Variants in NRG2 observed in about 807,000 individuals in gnomAD.
The protein encoded by NRG2 is neuregulin 2.
A neutral mutation model predicts 73.9 loss-of-function variants in NRG2; 27 were observed. That is an observed-to-expected ratio of 0.37 (90% CI 0.27 to 0.50). The LOEUF (loss-of-function observed/expected upper bound fraction) is 0.50, where lower values mean the gene tolerates loss of function less well. Among genes scored for constraint, NRG2 ranks in the 20% least tolerant of loss-of-function variants. The pLI is 0.96. For missense variants in NRG2, 1,126 were observed against 1,210.1 expected (o/e 0.93, Z 1.03); for synonymous variants, 532 against 541.0 (o/e 0.98, Z 0.23).
At chr5:139,902,012 G>A (rs900141988) in intron 1 of NRG2, among the ~76,000 whole-genome samples, 7 of 152,240 alleles carry the variant, frequency 4.6e-5, no homozygotes, top group African/African-American at 9.7e-5. Context: ...AGGGCTGAGC[G>A]TAGACTGCAT....
chr5:139,987,387 A>AC (rs1757251644), intron 1 of NRG2, among the ~76,000 whole-genome samples: 1 of 151,400 alleles, frequency 6.6e-6, no homozygotes, highest in East Asian at 1.9e-4. Context: ...AAAAAAAAAA[A>AC]AAAAAGGATA....
intron 1 of NRG2, among the ~76,000 whole-genome samples, chr5:139,932,333 G>A (rs994086116): frequency 1.3e-5 from 2 of 151,568 alleles, no homozygotes; most frequent in African/African-American, 2.4e-5. Context: ...TGGACCAGGA[G>A]GACAGGAAGA....
chr5:140,042,845 G>T lies in NRG2; in HGVS notation c.225C>A (p.Ser75Arg). The change falls in exon 1 of 10, where the codon AGC becomes AGA. Residue 75 changes from serine to arginine, a missense_variant. Physicochemically the swap from Ser to Arg is moderately radical, Grantham distance 110. This residue lies in a region of NRG2 where 185 missense variants were observed against 149.0 expected (regional missense o/e 1.24). Transcript: ENST00000361474. ...GGGCGGCGGCTCTCCGGGCTGCGGG[G>T]CTGCGGGGCTGCGGCTGTTGCTGCG... ...PRPQQQPQPR[S>R]PAARRAAARS... The T allele has an allele frequency of 1.3e-6, 2 of 1,492,780 alleles. No homozygotes were observed. Among genetic ancestry groups the T allele is most frequent in the Non-Finnish European group, 1.8e-6 (2 of 1,125,004 alleles). 92.5% of individuals were successfully genotyped at this position (1,492,780 alleles called of 1,614,324 possible). A position where few individuals can be genotyped will look rare whatever the true frequency, so the allele number is the denominator to read the frequency against.
intron 1 of NRG2, among the ~76,000 whole-genome samples, chr5:139,945,850 A>C (rs1753765035): frequency 1.3e-5 from 2 of 152,112 alleles, no homozygotes; most frequent in African/African-American, 4.8e-5. Context: ...TTAAGAAAAC[A>C]ATTCCATTTA....
At chr5:139,951,089 A>G (rs1761709831) in intron 1 of NRG2, among the ~76,000 whole-genome samples, 1 of 152,216 alleles carries the variant, frequency 6.6e-6, no homozygotes, top group South Asian at 2.1e-4. Context: ...CTAGGCCTAG[A>G]TGACCCCAAG....
chr5:139,881,145 G>A (rs1011658180), intron 2 of NRG2, among the ~76,000 whole-genome samples, 171 bp from the exon 3 acceptor site: 2 of 152,210 alleles, frequency 1.3e-5, no homozygotes, highest in Non-Finnish European at 2.9e-5. Flanking sequence ...GGGGCACGGA[G>A]TCCCTGCAGC....
intron 1 of NRG2, among the ~76,000 whole-genome samples, chr5:140,018,807 C>G (rs944406531): frequency 2.0e-5 from 3 of 152,184 alleles, no homozygotes; most frequent in Non-Finnish European, 4.4e-5. Context: ...AGCATGCTCT[C>G]TTTTCAAACC....
chr5:139,986,228 C>A (rs1433301), intron 1 of NRG2, among the ~76,000 whole-genome samples: 24,356 of 152,170 alleles, frequency 0.16, 2,484 homozygotes, highest in Admixed American at 0.23. Context: ...CTGGCGTTAG[C>A]CTAACATTTG....
At chr5:139,987,367 CAAAA>C (rs34895532) in intron 1 of NRG2, among the ~76,000 whole-genome samples, 3 of 33,230 alleles carry the variant, frequency 9.0e-5, no homozygotes, top group East Asian at 1.8e-3. Flanking sequence ...GACTCTGTCT[CAAAA>C]AAAAAAAAAA....
intron 3 of NRG2, among the ~76,000 whole-genome samples, chr5:139,875,964 G>A (rs1418603667): frequency 6.6e-6 from 1 of 152,174 alleles, no homozygotes; most frequent in Non-Finnish European, 1.5e-5. Flanking sequence ...GTCATGATGT[G>A]CTCCAGAAAT....
chr5:140,043,022 C>T lies in NRG2; in HGVS notation c.48G>A (p.Lys16=), dbSNP rs765536628. 3.8e-6 allele frequency: 6 copies of T among 1,576,350 alleles called. No homozygotes were observed. Among genetic ancestry groups the T allele is most frequent in the South Asian group, 3.4e-5 (3 of 87,956 alleles). The change falls in exon 1 of 10, where the codon AAG becomes AAA. Residue 16 remains lysine, a synonymous_variant. Coordinates refer to ENST00000361474, the MANE Select transcript of NRG2 (RefSeq NM_004883.3). The surrounding 1 kb of genome is among the most constrained non-coding windows in gnomAD (Gnocchi z 6.7). ...TGTCGCTGTAGCTGCTGCACCGACC[C>T]TTCTCCAGTGGCGGCGGCGGCAGCG... ...CSALPPPPLE[K]GRCSSYSDSS...
At chr5:139,944,479 A>G (rs1753655590) in intron 1 of NRG2, among the ~76,000 whole-genome samples, 1 of 151,984 alleles carries the variant, frequency 6.6e-6, no homozygotes, top group African/African-American at 2.4e-5. Context: ...ACTTTTTTTT[A>G]GGTTCCACAT....
At chr5:139,876,430 A>C (rs59450107) in intron 3 of NRG2, among the ~76,000 whole-genome samples, 9,419 of 152,252 alleles carry the variant, frequency 0.062, 771 homozygotes, top group African/African-American at 0.19. Context: ...CCTTGTGAAT[A>C]TACTAAAAAC....
At chr5:139,898,206 T>G (rs1764668721) in intron 1 of NRG2, among the ~76,000 whole-genome samples, 1 of 152,152 alleles carries the variant, frequency 6.6e-6, no homozygotes, top group Non-Finnish European at 1.5e-5. Context: ...AAGAGTTTGC[T>G]AAGAGAGAAC....
At chr5:139,903,218 AGTCTC>A (rs1765001764) in intron 1 of NRG2, among the ~76,000 whole-genome samples, 1 of 152,200 alleles carries the variant, frequency 6.6e-6, no homozygotes, top group South Asian at 2.1e-4. Flanking sequence ...AGACCCAGCA[AGTCTC>A]AGGACCTTTG....
At chr5:139,935,082 G>A (rs1752749478) in intron 1 of NRG2, among the ~76,000 whole-genome samples, 1 of 152,122 alleles carries the variant, frequency 6.6e-6, no homozygotes, top group African/African-American at 2.4e-5. Flanking sequence ...CATGAGAACT[G>A]CTTGAACCCA....
Position 139,852,575 on chromosome 5 carries a change from T to C in NRG2, c.1417-16A>G. The stretch of plus-strand genomic sequence containing the variant: ...TGGAAATATACTGGAACAGACAGAG[T>C]TGGGCGAGAGTTAGTGACTGGGGCC... On this transcript the variant is annotated splice_polypyrimidine_tract_variant and intron_variant, in intron 7 of 9. Coordinates refer to ENST00000361474, the MANE Select transcript of NRG2 (RefSeq NM_004883.3). The surrounding 1 kb of genome is among the most constrained non-coding windows in gnomAD (Gnocchi z 4.4). The C allele has an allele frequency of 6.2e-7, 1 of 1,611,180 alleles. No homozygotes were observed. The highest frequency in any genetic ancestry group is 8.5e-7 in the Non-Finnish European group (1 of 1,178,550).
intron 1 of NRG2, among the ~76,000 whole-genome samples, chr5:140,032,582 G>A (rs1448815014): frequency 6.6e-6 from 1 of 152,132 alleles, no homozygotes; most frequent in African/African-American, 2.4e-5. Context: ...TGCTCCCACT[G>A]CTCCCTTTTT....
chr5:139,851,817 G>C lies in NRG2; in HGVS notation c.1559C>G (p.Thr520Arg). 2 of 1,614,184 alleles carry C rather than the reference G, an allele frequency of 1.2e-6. No individual in the cohort carries two copies. The highest frequency in any genetic ancestry group is 1.7e-6 in the Non-Finnish European group (2 of 1,180,012). The part of the protein sequence containing the change: ...PTSSHRHESH[T>R]WSLERSESLT... ...GCTCTCAGAACGTTCCAGGCTCCAC[G>C]TGTGGCTCTCGTGTCTGGGAAGGCC... The change falls in exon 9 of 10, where the codon ACG becomes AGG. Residue 520 changes from threonine to arginine, a missense_variant. Physicochemically the swap from Thr to Arg is moderately conservative, Grantham distance 71 (BLOSUM62 -1). Around this residue, in one of 3 missense-constraint regions of NRG2, gnomAD observed 539 missense variants for 703.2 expected, o/e 0.77. Transcript: ENST00000361474. This position sits in a 1 kb window ranked among gnomAD's most constrained non-coding sequence, Gnocchi z 4.2.
Sources: gnomAD v4.1 joint callset for allele counts (sites outside exome capture counted in the v4.1 genomes callset) on GRCh38, gnomAD v4.1.1 for gene constraint, gnomAD v4.1.1 regional missense constraint, Gnocchi (gnomAD v3.1) non-coding constraint, MANE v1.5 for transcripts, NCBI Gene and HGNC (gene_info 2026-07-23, HGNC 2026-07-21) for gene names.